The following DYRK1A variants were observed in gnomAD, a reference collection of about 807,000 sequenced individuals.
DYRK1A encodes dual specificity tyrosine phosphorylation regulated kinase 1A, also known as dual specificity tyrosine-phosphorylation-regulated kinase 1A.
Under a neutral mutation model 79.7 loss-of-function variants are expected in DYRK1A, and 9 were observed. The ratio of observed to expected loss-of-function variants is 0.11; its 90% confidence interval spans 0.07 to 0.20. DYRK1A has a LOEUF of 0.20. Ranked by LOEUF, DYRK1A falls within the 10% of genes least tolerant of loss-of-function variation. The pLI is 1.00. For synonymous variants in DYRK1A, 349 were observed against 329.7 expected (o/e 1.06, Z -0.63); for missense variants, 622 against 956.0 (o/e 0.65, Z 4.61).
chr21:37,447,968 G>A (rs1034680074), intron 2 of DYRK1A, among the ~76,000 whole-genome samples: 3 of 152,262 alleles, frequency 2.0e-5, no homozygotes, highest in Non-Finnish European at 4.4e-5. Flanking sequence ...GAGAGTTGCC[G>A]CTGTCCCCTC....
intron 2 of DYRK1A, among the ~76,000 whole-genome samples, chr21:37,442,207 T>C (rs73218431): frequency 0.16 from 24,854 of 152,042 alleles, 2,904 homozygotes; most frequent in African/African-American, 0.32. Context: ...TTTGTGTTTC[T>C]TGTGCTTGTG....
chr21:37,386,819 G>A (rs777169870), intron 1 of DYRK1A, among the ~76,000 whole-genome samples: 11 of 152,138 alleles, frequency 7.2e-5, no homozygotes, highest in Non-Finnish European at 1.3e-4. Flanking sequence ...AGATGGTTGC[G>A]GCAGTGTCAG....
intron 9 of DYRK1A, 86 bp downstream of exon 9, chr21:37,496,344 A>G (rs1310217449): frequency 1.4e-6 from 2 of 1,379,610 alleles, no homozygotes; most frequent in African/African-American, 2.9e-5. Context: ...CATTTACTTG[A>G]AATCAGTGTG....
At chr21:37,420,495 G>A in intron 2 of DYRK1A, 111 bp downstream of exon 2, 1 of 1,078,206 alleles carries the variant, frequency 9.3e-7, no homozygotes, top group Non-Finnish European at 1.4e-6. Context: ...GGGGGGAATT[G>A]TAGATCAGTA....
At chr21:37,447,481 T>C (rs971215057) in intron 2 of DYRK1A, among the ~76,000 whole-genome samples, 2 of 152,208 alleles carry the variant, frequency 1.3e-5, no homozygotes, top group African/African-American at 4.8e-5. Context: ...TAAAGTTTTA[T>C]TGGAATATAG....
chr21:37,394,735 C>T lies in DYRK1A; in HGVS notation c.-76-25564C>T, dbSNP rs765987961. ...AGTTTCATTCTGAAACCATTTCCCACCTCCTCCTGTCCGTGGAAAAATTGT... is the reference window on the plus strand; with the variant it reads ...AGTTTCATTCTGAAACCATTTCCCATCTCCTCCTGTCCGTGGAAAAATTGT... On this transcript the variant is annotated intron_variant, in intron 1 of 11. Coordinates refer to ENST00000647188, the MANE Select transcript of DYRK1A (RefSeq NM_001347721.2). Among the ~76,000 whole-genome samples the T allele has an allele frequency of 7.9e-5, 12 of 152,264 alleles. No individual in the cohort carries two copies. The South Asian group carries it at 8.3e-4, about 11-fold the overall frequency.
intron 3 of DYRK1A, among the ~76,000 whole-genome samples, chr21:37,477,540 G>A (rs8132789): frequency 0.064 from 9,714 of 152,154 alleles, 1,038 homozygotes; most frequent in African/African-American, 0.22. Flanking sequence ...GGATGCTCAC[G>A]GTGGAACCCC....
Position 37,415,110 on chromosome 21 carries a change from C to T in DYRK1A, c.-76-5189C>T, listed in dbSNP as rs185784462. On this transcript the variant is annotated intron_variant, in intron 1 of 11. Coordinates refer to ENST00000647188, the MANE Select transcript of DYRK1A (RefSeq NM_001347721.2). ...TGTTTTCCTCTATTTGTTGGTACGT[C>T]CAAATACTCAGTGCCTGATTTTGTC... Among the ~76,000 whole-genome samples, 130 of 152,238 alleles carry T rather than the reference C, an allele frequency of 8.5e-4. 2 individuals carry two copies. The Middle Eastern group carries it at 0.01, about 12-fold the overall frequency.
At chr21:37,463,617 C>T (rs555236047) in intron 2 of DYRK1A, among the ~76,000 whole-genome samples, 12 of 152,182 alleles carry the variant, frequency 7.9e-5, no homozygotes, top group Non-Finnish European at 1.8e-4. Flanking sequence ...TCAGTTCATT[C>T]CTTTATTGCA....
intron 1 of DYRK1A, chr21:37,419,113 A>G (rs954006662): frequency 2.6e-5 from 4 of 152,214 alleles, no homozygotes; most frequent in Non-Finnish European, 4.4e-5. Context: ...AATTCTACCA[A>G]TAAGAGATTT....
intron 1 of DYRK1A, among the ~76,000 whole-genome samples, chr21:37,392,149 G>A (rs191163288): frequency 0.011 from 1,625 of 152,324 alleles, 23 homozygotes; most frequent in South Asian, 0.022. Context: ...TGTAGAGACA[G>A]TTGGGGAATA....
At chr21:37,377,846 T>C (rs988475277) in intron 1 of DYRK1A, among the ~76,000 whole-genome samples, 12 of 152,182 alleles carry the variant, frequency 7.9e-5, no homozygotes, top group Non-Finnish European at 1.3e-4. Context: ...AAGTTCATAT[T>C]TTTGCTCTTT....
At position 37,518,171 on chromosome 21, in the gene DYRK1A, G is replaced by T. The variant is rs373543869; in HGVS notation, c.*5640G>T. 6.6e-6 allele frequency: 1 copy of T among 152,218 alleles called. No homozygotes were observed. The highest frequency in any genetic ancestry group is 1.5e-5 in the Non-Finnish European group (1 of 68,052). 9.4% of individuals were successfully genotyped at this position (152,218 alleles called of 1,614,324 possible). ...AAATAGGCTGGGCGTGGTGGCTCAC[G>T]TCTGTAAAGATTTAAAGCGGAAAAG... is the stretch of plus-strand genomic sequence containing the variant. On this transcript the variant is annotated 3_prime_UTR_variant, in exon 12 of 12. Transcript: ENST00000647188.
chr21:37,474,327 TAAG>T (rs2052326121), intron 3 of DYRK1A, among the ~76,000 whole-genome samples: 1 of 152,380 alleles, frequency 6.6e-6, no homozygotes, highest in South Asian at 2.1e-4. Flanking sequence ...TCATATAAAA[TAAG>T]AGATATTTCA....
chr21:37,444,053 TTC>T (rs1353689456), intron 2 of DYRK1A, among the ~76,000 whole-genome samples: 1 of 152,208 alleles, frequency 6.6e-6, no homozygotes, highest in African/African-American at 2.4e-5. Flanking sequence ...ACACACCTCC[TTC>T]TCTCAGCTTG....
intron 2 of DYRK1A, among the ~76,000 whole-genome samples, chr21:37,425,422 CAATT>C (rs1569310531): frequency 6.6e-6 from 1 of 151,870 alleles, no homozygotes; most frequent in Non-Finnish European, 1.5e-5. Flanking sequence ...TAAGTGGAAG[CAATT>C]AATAATGATT....
At chr21:37,456,293 G>A (rs1450438288) in intron 2 of DYRK1A, 1 of 152,718 alleles carries the variant, frequency 6.5e-6, no homozygotes, top group African/African-American at 2.4e-5. Flanking sequence ...AACAACACAG[G>A]AGGCTGCAGG....
In DYRK1A at chr21:37,505,459, T is replaced by C. The variant is rs55854596; in HGVS notation, c.1389T>C (p.Tyr463=). The C allele has an allele frequency of 5.7e-3, 9,262 of 1,614,226 alleles. 59 individuals are homozygous for C. Among genetic ancestry groups the C allele is most frequent in the Middle Eastern group, 0.028 (169 of 6,062 alleles). ...YDPKTRIQPY[Y]ALQHSFFKKT... ...CCAAAACTCGAATTCAACCTTATTA[T>C]GCTCTGCAGCACAGTTTCTTCAAGA... The change falls in exon 10 of 12, where the codon TAT becomes TAC. Residue 463 remains tyrosine, a synonymous_variant. Transcript: ENST00000647188.
At position 37,519,661 on chromosome 21, in the gene DYRK1A, A is replaced by C. The variant is rs1229410133; in HGVS notation, c.*7130A>C. On this transcript the variant is annotated 3_prime_UTR_variant, in exon 12 of 12. Transcript: ENST00000647188. The stretch of plus-strand genomic sequence containing the variant: ...TTGGAGTCTGGGACTAGGTGTTAAC[A>C]TTCCTTTACTAGTTGGTTTTGCATA... The C allele has an allele frequency of 6.6e-6, 1 of 150,940 alleles. No homozygotes were observed. The highest frequency in any genetic ancestry group is 2.4e-5 in the African/African-American group (1 of 40,962). The allele number at this position is 150,940 out of a possible 1,614,324, so 9.4% of individuals were successfully genotyped here.
Sources: gnomAD v4.1 joint callset for allele counts (sites outside exome capture counted in the v4.1 genomes callset) on GRCh38, gnomAD v4.1.1 for gene constraint, MANE v1.5 for transcripts, NCBI Gene and HGNC (gene_info 2026-07-23, HGNC 2026-07-21) for gene names.